The following DOCK2 variants were observed in gnomAD, a reference collection of about 807,000 sequenced individuals.
DOCK2 encodes the protein dedicator of cytokinesis protein 2.
Under a neutral mutation model 248.9 loss-of-function variants are expected in DOCK2, and 87 were observed. The ratio of observed to expected loss-of-function variants is 0.35; its 90% CI spans 0.29 to 0.42. The LOEUF is 0.42. DOCK2 is among the 10% of genes least tolerant of loss of function. The pLI is 1.00. For missense variants in DOCK2, 1,747 were observed against 2,300.2 expected, an observed-to-expected ratio of 0.76 and a Z score of 4.92; for synonymous variants, 805 against 821.6, an observed-to-expected ratio of 0.98 and a Z score of 0.35.
intron 27 of DOCK2, among the ~76,000 whole-genome samples, chr5:169,959,373 G>GA (rs796836948): frequency 0.027 from 3,624 of 135,202 alleles, 140 homozygotes; most frequent in African/African-American, 0.089. Flanking sequence ...CGTCTCAAAA[G>GA]AAAAAAAAAA....
At chr5:169,663,922 G>C (rs1758584098) in intron 2 of DOCK2, among the ~76,000 whole-genome samples, 1 of 152,232 alleles carries the variant, frequency 6.6e-6, no homozygotes, top group Non-Finnish European at 1.5e-5. Context: ...CAGCTCGTTT[G>C]AATTTCTCCA....
At chr5:169,950,768 C>T (rs1269292561) in intron 27 of DOCK2, among the ~76,000 whole-genome samples, 4 of 152,154 alleles carry the variant, frequency 2.6e-5, no homozygotes, top group Non-Finnish European at 5.9e-5. Context: ...GTATCAGGAC[C>T]AGATTCTGTC....
intron 1 of DOCK2, among the ~76,000 whole-genome samples, chr5:169,650,365 G>T (rs1757734271): frequency 6.6e-6 from 1 of 152,068 alleles, no homozygotes; most frequent in Non-Finnish European, 1.5e-5. Context: ...TATCTTATTA[G>T]GTGGAGAAGT....
chr5:169,686,048 C>T (rs1464931074), intron 8 of DOCK2, among the ~76,000 whole-genome samples: 1 of 152,176 alleles, frequency 6.6e-6, no homozygotes, highest in Non-Finnish European at 1.5e-5. Context: ...GCCCAATTCA[C>T]CTGGCTTAGC....
chr5:169,717,170 G>A (rs986834889), intron 20 of DOCK2, among the ~76,000 whole-genome samples: 1 of 152,116 alleles, frequency 6.6e-6, no homozygotes, highest in Non-Finnish European at 1.5e-5. Flanking sequence ...AAACCTATTT[G>A]ACCATGAAAT....
intron 51 of DOCK2, 131 bp downstream of exon 51, chr5:170,082,115 C>A (rs1468003566): frequency 1.5e-6 from 2 of 1,305,620 alleles, no homozygotes; most frequent in African/African-American, 2.9e-5. Flanking sequence ...GTCAGGAGGC[C>A]CTGAGTTCTG....
intron 22 of DOCK2, among the ~76,000 whole-genome samples, chr5:169,745,602 A>G (rs1030404735): frequency 6.5e-4 from 99 of 152,098 alleles, no homozygotes; most frequent in Admixed American, 4.6e-3. Context: ...TGGCTCTGAC[A>G]CTCACTGGCC....
chr5:169,691,045 G>A (rs79351848), intron 9 of DOCK2, among the ~76,000 whole-genome samples: 3,313 of 152,274 alleles, frequency 0.022, 63 homozygotes, highest in East Asian at 0.072. Flanking sequence ...CAGGCTGTAC[G>A]AGAAGGGTGA....
At chr5:169,862,262 T>C (rs1771249186) in intron 27 of DOCK2, among the ~76,000 whole-genome samples, 1 of 152,230 alleles carries the variant, frequency 6.6e-6, no homozygotes, top group Admixed American at 6.5e-5. Context: ...CAAAGGCTAG[T>C]GGTATAGACT....
At chr5:169,701,314 T>C (rs998828566) in intron 13 of DOCK2, among the ~76,000 whole-genome samples, 4 of 152,356 alleles carry the variant, frequency 2.6e-5, no homozygotes, top group East Asian at 1.9e-4. Flanking sequence ...TAATACTCTT[T>C]TGAAACTTCT....
At chr5:169,950,768 C>G (rs1269292561) in intron 27 of DOCK2, among the ~76,000 whole-genome samples, 3 of 152,154 alleles carry the variant, frequency 2.0e-5, no homozygotes, top group East Asian at 3.8e-4. Context: ...GTATCAGGAC[C>G]AGATTCTGTC....
intron 26 of DOCK2, among the ~76,000 whole-genome samples, chr5:169,806,354 GC>G (rs1767361746): frequency 6.7e-6 from 1 of 149,972 alleles, no homozygotes; most frequent in African/African-American, 2.5e-5. Flanking sequence ...TCACTATATT[GC>G]CCAGGCTGGT....
intron 27 of DOCK2, among the ~76,000 whole-genome samples, chr5:169,944,252 T>C (rs1474884407): frequency 3.3e-5 from 5 of 152,198 alleles, no homozygotes; most frequent in East Asian, 3.9e-4. Context: ...TGATATTCTA[T>C]TTCCTGTGAC....
chr5:169,861,864 AT>A (rs1771218668), intron 27 of DOCK2, among the ~76,000 whole-genome samples: 1 of 152,096 alleles, frequency 6.6e-6, no homozygotes, highest in Admixed American at 6.5e-5. Context: ...TTGGTGTAGA[AT>A]CAGTACAGCC....
chr5:169,698,059 A>G (rs72841143), intron 10 of DOCK2, among the ~76,000 whole-genome samples: 7,174 of 152,182 alleles, frequency 0.047, 230 homozygotes, highest in South Asian at 0.11. Context: ...GTCAAATCCA[A>G]ACCTAATTGC....
intron 33 of DOCK2, among the ~76,000 whole-genome samples, chr5:170,024,357 CTTTTTTTTTTTTT>C (rs35718164): frequency 2.0e-5 from 2 of 100,750 alleles, no homozygotes; most frequent in Non-Finnish European, 3.8e-5. Context: ...TTGGGAGAGC[CTTTTTTTTTTTTT>C]TTTTTTTTGA....
In DOCK2 at chr5:169,700,062, G is replaced by T. The variant is rs749099420; in HGVS notation, c.1181G>T (p.Arg394Leu). 3 of 1,613,870 alleles carry T rather than the reference G, an allele frequency of 1.9e-6. No homozygotes were observed. The highest frequency in any genetic ancestry group is 1.7e-5 in the Admixed American group (1 of 59,994). ...CTGGTGGGTGACATCATTCAGATTCGCAAGGACTATCCACACCTGGTGGAC... is the reference window on the plus strand; with the variant it reads ...CTGGTGGGTGACATCATTCAGATTCTCAAGGACTATCCACACCTGGTGGAC... ...KMLVGDIIQI[R>L]KDYPHLVDRT... is the part of the protein sequence containing the mutation. The change falls in exon 13 of 52, where the codon CGC (arginine) becomes CTC (leucine). Residue 394 changes from arginine (R) to leucine (L), a missense_variant. By Grantham distance (102) the Arg-to-Leu change is moderately radical (BLOSUM62 -2). Transcript: ENST00000520908.
chr5:169,999,923 A>C (rs186058499), intron 30 of DOCK2: 3 of 152,312 alleles, frequency 2.0e-5, no homozygotes, highest in Non-Finnish European at 4.4e-5. Context: ...TTTGTGATTC[A>C]AAGGGCAGAA....
chr5:170,046,773 C>CAA (rs1756729984), intron 39 of DOCK2, among the ~76,000 whole-genome samples: 1 of 151,832 alleles, frequency 6.6e-6, no homozygotes, highest in African/African-American at 2.4e-5. Flanking sequence ...CACACATACA[C>CAA]ACACACACAC....
Sources: allele counts gnomAD v4.1 joint callset (sites outside exome capture counted in the v4.1 genomes callset), GRCh38; gene constraint gnomAD v4.1.1; transcripts MANE v1.5; gene names NCBI Gene and HGNC (gene_info 2026-07-23, HGNC 2026-07-21).